The following ADCY10 variants were observed in gnomAD, a reference collection of about 807,000 sequenced individuals.
ADCY10 encodes adenylate cyclase type 10.
Under a neutral mutation model 183.3 loss-of-function variants are expected in ADCY10, and 156 were observed. The observed-to-expected ratio is 0.85, with a 90% confidence interval of 0.75 to 0.97. The LOEUF is 0.97. Among genes scored for constraint, ADCY10 ranks in the 50% least tolerant of loss-of-function variants. The pLI, the probability that ADCY10 is intolerant of heterozygous loss-of-function variation, is 0.00. For missense variants in ADCY10, 1,745 were observed against 1,934.3 expected, an observed-to-expected ratio of 0.90 and a Z score of 1.84; for synonymous variants, 645 against 670.0, an observed-to-expected ratio of 0.96 and a Z score of 0.58.
At chr1:167,855,058 C>T (rs1344515468) in intron 17 of ADCY10, among the ~76,000 whole-genome samples, 1 of 152,164 alleles carries the variant, frequency 6.6e-6, no homozygotes, top group African/African-American at 2.4e-5. Context: ...CGGTGGCTCA[C>T]GCCTGTAATC....
intron 32 of ADCY10, 135 bp from the exon 33 acceptor site, chr1:167,809,974 T>C (rs530272706): frequency 4.8e-6 from 4 of 830,042 alleles, no homozygotes; most frequent in Admixed American, 4.1e-5. Flanking sequence ...CGAATCTTGC[T>C]GTCCAAACTA....
At chr1:167,841,886 T>C (rs1364925608) in intron 21 of ADCY10, among the ~76,000 whole-genome samples, 1 of 152,208 alleles carries the variant, frequency 6.6e-6, no homozygotes. Flanking sequence ...GCCTGGCACA[T>C]AAATAAATAA....
intron 21 of ADCY10, among the ~76,000 whole-genome samples, chr1:167,838,031 G>A (rs767033809): frequency 1.3e-5 from 2 of 152,226 alleles, no homozygotes; most frequent in Non-Finnish European, 2.9e-5. Context: ...GAATGAACTT[G>A]TCTCAGGTCA....
chr1:167,875,093 T>C (rs1338388438), intron 13 of ADCY10, 38 bp downstream of exon 13: 5 of 1,566,906 alleles, frequency 3.2e-6, no homozygotes, highest in East Asian at 2.2e-5. Flanking sequence ...TTTGTTTTAG[T>C]TCAATAAAGA....
chr1:167,843,910 A>G (rs941866714), intron 21 of ADCY10, among the ~76,000 whole-genome samples: 3 of 151,968 alleles, frequency 2.0e-5, no homozygotes, highest in African/African-American at 7.3e-5. Context: ...ACAAATCCTG[A>G]CCCTCTACAT....
chr1:167,912,700 C>T (rs978100769), intron 1 of ADCY10, among the ~76,000 whole-genome samples: 2 of 152,212 alleles, frequency 1.3e-5, no homozygotes. Context: ...GCCTATTAAA[C>T]TCTCCGATCC....
At chr1:167,895,872 T>C (rs991547138) in intron 7 of ADCY10, among the ~76,000 whole-genome samples, 4 of 152,146 alleles carry the variant, frequency 2.6e-5, no homozygotes, top group African/African-American at 7.2e-5. Flanking sequence ...GACAGATACC[T>C]GAAGTCACCA....
chr1:167,813,031 A>C (rs1415029838), intron 31 of ADCY10, among the ~76,000 whole-genome samples: 1 of 152,150 alleles, frequency 6.6e-6, no homozygotes, highest in Non-Finnish European at 1.5e-5. Flanking sequence ...TGAACCAATA[A>C]ATGCATTGTG....
intron 21 of ADCY10, among the ~76,000 whole-genome samples, chr1:167,838,321 G>A (rs781206046): frequency 1.4e-5 from 2 of 148,014 alleles, no homozygotes; most frequent in Non-Finnish European, 3.0e-5. Flanking sequence ...TTAGTGACTA[G>A]CAGCTGAATA....
chr1:167,834,473 G>C, intron 23 of ADCY10: 1 of 269,870 alleles, frequency 3.7e-6, no homozygotes, highest in Non-Finnish European at 7.2e-6. Flanking sequence ...ACATCTGTGA[G>C]AAGTTGGTCT....
intron 21 of ADCY10, among the ~76,000 whole-genome samples, chr1:167,844,849 G>C (rs1450625149): frequency 6.6e-6 from 1 of 152,120 alleles, no homozygotes; most frequent in Non-Finnish European, 1.5e-5. Context: ...TAATCACCAA[G>C]GTCCTCTGAC....
At chr1:167,838,120 A>C (rs909686925) in intron 21 of ADCY10, among the ~76,000 whole-genome samples, 1 of 152,228 alleles carries the variant, frequency 6.6e-6, no homozygotes, top group Admixed American at 6.5e-5. Context: ...CATACATCTT[A>C]TAGATGCAGT....
At chr1:167,837,001 G>A (rs924911312) in intron 22 of ADCY10, 1 of 465,782 alleles carries the variant, frequency 2.1e-6, no homozygotes, top group Non-Finnish European at 3.9e-6. Context: ...CTCCAGCCTG[G>A]GTGACAGAGC....
At chr1:167,810,948 T>C in intron 31 of ADCY10, 35 bp from the exon 32 acceptor site, 1 of 1,591,976 alleles carries the variant, frequency 6.3e-7, no homozygotes, top group Non-Finnish European at 8.6e-7. Flanking sequence ...TATATTAGAA[T>C]TAAACAGGGG....
At chr1:167,811,247 C>A (rs1662187321) in intron 31 of ADCY10, among the ~76,000 whole-genome samples, 1 of 152,116 alleles carries the variant, frequency 6.6e-6, no homozygotes, top group Admixed American at 6.5e-5. Flanking sequence ...TTGGCCATTT[C>A]TGCATGTAAG....
At chr1:167,906,281 T>C (rs1463648905) in intron 1 of ADCY10, among the ~76,000 whole-genome samples, 1 of 151,784 alleles carries the variant, frequency 6.6e-6, no homozygotes, top group Non-Finnish European at 1.5e-5. Context: ...AAATGTTACA[T>C]ATTGGATAAC....
In ADCY10 at chr1:167,872,493, C is replaced by A. The variant is rs1667176838; in HGVS notation, c.1463-2083G>T. ...TTCTAAAATGAGATTGTCTCCTTAA[C>A]TTGAAATGCATGCACCTTGTTTCTA... On this transcript the variant is annotated intron_variant, in intron 13 of 32. Transcript: ENST00000367851. Among the ~76,000 whole-genome samples, 4 of 151,958 alleles carry A rather than the reference C, an allele frequency of 2.6e-5. No individual in the cohort carries two copies. The South Asian group carries it at 8.3e-4, about 32-fold the overall frequency.
At chr1:167,811,029 A>G in intron 31 of ADCY10, 116 bp from the exon 32 acceptor site, 4 of 958,286 alleles carry the variant, frequency 4.2e-6, no homozygotes, top group Non-Finnish European at 6.5e-6. Flanking sequence ...ATCAAGTGAG[A>G]AAATACATTA....
chr1:167,841,565 T>C (rs1220459342), intron 21 of ADCY10, among the ~76,000 whole-genome samples: 1 of 142,360 alleles, frequency 7.0e-6, no homozygotes, highest in East Asian at 2.0e-4. Flanking sequence ...TGGAGTATAG[T>C]AGGGTGAACA....
Sources: allele counts gnomAD v4.1 joint callset (sites outside exome capture counted in the v4.1 genomes callset), GRCh38; gene constraint gnomAD v4.1.1; transcripts MANE v1.5; gene names NCBI Gene and HGNC (gene_info 2026-07-23, HGNC 2026-07-21).